ANKDD1B: variants seen among roughly 807,000 people sequenced by gnomAD.
ANKDD1B encodes the protein ankyrin repeat and death domain-containing protein 1B.
Under a neutral mutation model 59.7 loss-of-function variants are expected in ANKDD1B, and 57 were observed. That is an observed-to-expected ratio of 0.95 (90% CI 0.77 to 1.19). The LOEUF (loss-of-function observed/expected upper bound fraction) is 1.19, where lower values mean the gene tolerates loss of function less well. ANKDD1B is among the 50% of genes most tolerant of loss of function. The probability of loss-of-function intolerance (pLI) is 0.00; values close to 1 mark genes in which losing one functional copy is unlikely to be tolerated. For missense variants in ANKDD1B, 602 were observed against 641.9 expected (o/e 0.94, Z 0.67); for synonymous variants, 216 against 239.5 (o/e 0.90, Z 0.91).
At chr5:75,657,621 T>C (rs971306294) in intron 9 of ANKDD1B, among the ~76,000 whole-genome samples, 1 of 152,050 alleles carries the variant, frequency 6.6e-6, no homozygotes, top group Middle Eastern at 3.2e-3. Flanking sequence ...AAGAAATGCT[T>C]TTTGGGGCCG....
At chr5:75,626,283 T>C (rs1773995034) in intron 5 of ANKDD1B, among the ~76,000 whole-genome samples, 1 of 152,236 alleles carries the variant, frequency 6.6e-6, no homozygotes, top group South Asian at 2.1e-4. Context: ...TTTATTATAC[T>C]TGGCCTTTTG....
At chr5:75,637,240 C>CAAAAAAATA (rs1774338265) in intron 7 of ANKDD1B, among the ~76,000 whole-genome samples, 1 of 69,956 alleles carries the variant, frequency 1.4e-5, no homozygotes, top group African/African-American at 6.8e-5. Context: ...GACTCTGTCT[C>CAAAAAAATA]AAAAAAAAAA....
At chr5:75,626,068 G>C in intron 5 of ANKDD1B, 113 bp downstream of exon 5, 1 of 730,938 alleles carries the variant, frequency 1.4e-6, no homozygotes, top group Non-Finnish European at 2.3e-6. Context: ...CGGCCCTGTA[G>C]CCGGCTCCTC....
chr5:75,649,349 A>G (rs1002411457), intron 7 of ANKDD1B, among the ~76,000 whole-genome samples: 1 of 148,740 alleles, frequency 6.7e-6, no homozygotes, highest in Non-Finnish European at 1.5e-5. Flanking sequence ...AATGCAACCT[A>G]CAAATTGTTT....
intron 5 of ANKDD1B, among the ~76,000 whole-genome samples, chr5:75,632,437 T>C (rs1032520420): frequency 5.9e-5 from 9 of 152,206 alleles, no homozygotes; most frequent in Admixed American, 6.5e-5. Flanking sequence ...TACTAACAGC[T>C]AGCTGATGGC....
intron 8 of ANKDD1B, among the ~76,000 whole-genome samples, chr5:75,653,766 C>G (rs1774890327): frequency 6.6e-6 from 1 of 152,178 alleles, no homozygotes; most frequent in South Asian, 2.1e-4. Flanking sequence ...TTTCATTTCT[C>G]CGTTGAGAAT....
intron 2 of ANKDD1B, among the ~76,000 whole-genome samples, chr5:75,617,381 A>G (rs1773741625): frequency 4.6e-5 from 7 of 152,222 alleles, no homozygotes; most frequent in Admixed American, 4.6e-4. Flanking sequence ...TTTGAAATGT[A>G]GTGCGTCTCC....
intron 7 of ANKDD1B, among the ~76,000 whole-genome samples, chr5:75,650,164 T>C (rs991460755): frequency 2.0e-5 from 3 of 152,242 alleles, no homozygotes; most frequent in Admixed American, 6.5e-5. Context: ...GAATATGTTA[T>C]GTTACATGGC....
At chr5:75,649,204 T>C (rs1774753349) in intron 7 of ANKDD1B, among the ~76,000 whole-genome samples, 1 of 149,540 alleles carries the variant, frequency 6.7e-6, no homozygotes, top group Non-Finnish European at 1.5e-5. Flanking sequence ...TTTTTTTTGC[T>C]GGTAATTGCT....
chr5:75,627,636 A>G (rs748086481), intron 5 of ANKDD1B, among the ~76,000 whole-genome samples: 1 of 152,220 alleles, frequency 6.6e-6, no homozygotes, highest in African/African-American at 2.4e-5. Flanking sequence ...AATTTTATCC[A>G]TGCCAAATAG....
In ANKDD1B at chr5:75,656,084, A is replaced by G; in HGVS notation, c.953A>G (p.Asn318Ser). ...VVINNHITVV[N>S]SLLSAQHDID... ...ATCAACAACCACATCACGGTTGTAA[A>G]CAGTTTATTAAGTGCACAGCATGAT... The change falls in exon 9 of 14, where the codon AAC (asparagine) becomes AGC (serine). Residue 318 changes from asparagine to serine, a missense_variant. This residue lies in a region of ANKDD1B where 280 missense variants were observed against 319.8 expected (regional missense o/e 0.88). Coordinates refer to ENST00000601380, the MANE Select transcript of ANKDD1B (RefSeq NM_001276713.2). 6.5e-7 allele frequency: 1 copy of G among 1,529,994 alleles called. No homozygotes were observed. Among genetic ancestry groups the G allele is most frequent in the Non-Finnish European group, 8.8e-7 (1 of 1,141,478 alleles). The allele number at this position is 1,529,994 out of a possible 1,614,324, so 94.8% of individuals were successfully genotyped here. A position where few individuals can be genotyped will look rare whatever the true frequency, so the allele number is the denominator to read the frequency against.
chr5:75,635,086 T>C, intron 6 of ANKDD1B, 90 bp downstream of exon 6: 4 of 846,602 alleles, frequency 4.7e-6, no homozygotes, highest in Non-Finnish European at 7.4e-6. Context: ...GTAGATTTGG[T>C]GAGGGCGTTT....
At chr5:75,652,348 C>A (rs936326088) in intron 7 of ANKDD1B, among the ~76,000 whole-genome samples, 1 of 152,076 alleles carries the variant, frequency 6.6e-6, no homozygotes, top group African/African-American at 2.4e-5. Context: ...ATGGGAGACA[C>A]TTAGAAAAAA....
At chr5:75,667,617 T>A (rs1395892100) in intron 12 of ANKDD1B, among the ~76,000 whole-genome samples, 1 of 152,174 alleles carries the variant, frequency 6.6e-6, no homozygotes, top group African/African-American at 2.4e-5. Context: ...ATTAGTGAAG[T>A]CAGGTCAGCT....
intron 10 of ANKDD1B, among the ~76,000 whole-genome samples, chr5:75,661,414 A>AAAAG (rs1554069985): frequency 7.6e-6 from 1 of 131,422 alleles, no homozygotes; most frequent in Non-Finnish European, 1.5e-5. Flanking sequence ...AAAAAAAAAA[A>AAAAG]AAAAAAAAAA....
At chr5:75,639,701 G>C (rs1228368378) in intron 7 of ANKDD1B, among the ~76,000 whole-genome samples, 1 of 152,192 alleles carries the variant, frequency 6.6e-6, no homozygotes, top group Non-Finnish European at 1.5e-5. Flanking sequence ...TGTCCAAGGA[G>C]GGAAATCATT....
chr5:75,622,052 G>C (rs1773860724), intron 3 of ANKDD1B, among the ~76,000 whole-genome samples: 1 of 152,204 alleles, frequency 6.6e-6, no homozygotes. Flanking sequence ...GGTCATGTTT[G>C]ACCCAATCTG....
At chr5:75,638,223 G>A (rs1774367544) in intron 7 of ANKDD1B, among the ~76,000 whole-genome samples, 1 of 152,154 alleles carries the variant, frequency 6.6e-6, no homozygotes, top group African/African-American at 2.4e-5. Context: ...CATGCATGTG[G>A]ATTTCATCTT....
intron 5 of ANKDD1B, among the ~76,000 whole-genome samples, chr5:75,631,672 A>G (rs979809008): frequency 6.6e-6 from 1 of 152,228 alleles, no homozygotes; most frequent in African/African-American, 2.4e-5. Context: ...CTGGACAGCT[A>G]TGTGGACCGT....
Sources: gnomAD v4.1 joint callset for allele counts (sites outside exome capture counted in the v4.1 genomes callset) on GRCh38, gnomAD v4.1.1 for gene constraint, gnomAD v4.1.1 regional missense constraint, MANE v1.5 for transcripts, NCBI Gene and HGNC (gene_info 2026-07-23, HGNC 2026-07-21) for gene names.